The following BNIP5 variants were observed in gnomAD, a reference collection of about 807,000 sequenced individuals.
The protein encoded by BNIP5 is BCL2 interacting protein 5.
Under a neutral mutation model 67.3 loss-of-function variants are expected in BNIP5, and 61 were observed. That is an observed-to-expected ratio of 0.91 (90% confidence interval 0.74 to 1.12). BNIP5 has a LOEUF of 1.12. BNIP5 is among the 50% of genes most tolerant of loss of function. BNIP5 has a pLI of 0.00. For synonymous variants in BNIP5, 317 were observed against 319.0 expected (o/e 0.99, Z 0.07); for missense variants, 826 against 816.3 (o/e 1.01, Z -0.14).
At chr6:36,322,183 C>T (rs1339413157) in intron 9 of BNIP5, 128 bp downstream of exon 9, 7 of 1,211,736 alleles carry the variant, frequency 5.8e-6, no homozygotes, top group South Asian at 1.3e-5. Flanking sequence ...ATCCTAGAGT[C>T]TCCTGGGGTC....
In BNIP5 at chr6:36,324,134, C is replaced by G; in HGVS notation, c.1225G>C (p.Glu409Gln). The G allele has an allele frequency of 6.2e-7, 1 of 1,613,932 alleles. No individual in the cohort carries two copies. The part of the protein sequence containing the change: ...MLQDAEEQQG[E>Q]EQPQVQQEEV... ...ATGGGGAGCGTCTTCCTCACCTCCT[C>G]TCCTTGCTGTTCTTCTGCATCTTGG... The change falls in exon 7 of 12, where the codon GAG (glutamate) becomes CAG (glutamine). Residue 409 changes from glutamate (E) to glutamine (Q), a missense_variant. Transcript: ENST00000437635.
intron 7 of BNIP5, 30 bp from the exon 8 acceptor site, chr6:36,323,563 G>C (rs1214743598): frequency 6.2e-7 from 1 of 1,612,868 alleles, no homozygotes; most frequent in Non-Finnish European, 8.5e-7. Flanking sequence ...AACTGAGTCA[G>C]GGCCCCTGAC....
chr6:36,330,819 A>C, intron 1 of BNIP5, 125 bp from the exon 2 acceptor site: 4 of 1,287,306 alleles, frequency 3.1e-6, no homozygotes, highest in Non-Finnish European at 4.1e-6. Context: ...GCTGGAGTGC[A>C]GTGGCGCTAT....
Position 36,322,383 on chromosome 6 carries a change from A to G in BNIP5, c.1531T>C (p.Ser511Pro). Reference protein sequence around the residue: ...LPAEGEPVVISEAPSQARGHT... With the variant: ...LPAEGEPVVIPEAPSQARGHT... ...CCTCTAGCCTGGGAGGGTGCTTCTGAGATCACAACTGGCTCCCCTTCTGCG... is the reference window on the plus strand; with the variant it reads ...CCTCTAGCCTGGGAGGGTGCTTCTGGGATCACAACTGGCTCCCCTTCTGCG... The change falls in exon 9 of 12, where the codon TCA becomes CCA. Residue 511 changes from serine to proline, a missense_variant. Coordinates refer to ENST00000437635, the MANE Select transcript of BNIP5 (RefSeq NM_001010903.5). The G allele has an allele frequency of 6.2e-7, 1 of 1,614,100 alleles. No homozygotes were observed. The highest frequency in any genetic ancestry group is 2.2e-5 in the East Asian group (1 of 44,884).
Position 36,324,132 on chromosome 6 carries a change from C to T in BNIP5, c.1227G>A (p.Glu409=). The T allele has an allele frequency of 6.2e-7, 1 of 1,613,758 alleles. No homozygotes were observed. Among genetic ancestry groups the T allele is most frequent in the South Asian group, 1.1e-5 (1 of 91,066 alleles). Residue 409 remains glutamate, a synonymous_variant, in exon 7 of 12, where the codon GAG becomes GAA. Transcript: ENST00000437635. ...ACATGGGGAGCGTCTTCCTCACCTC[C>T]TCTCCTTGCTGTTCTTCTGCATCTT... ...MLQDAEEQQG[E]EQPQVQQEEV...
intron 11 of BNIP5, 137 bp downstream of exon 11, chr6:36,319,219 T>C (rs1304043647): frequency 2.2e-6 from 2 of 920,656 alleles, no homozygotes; most frequent in Non-Finnish European, 3.3e-6. Flanking sequence ...AGTGAGGAGG[T>C]GACATTTGAG....
rs780492613 is a variant in BNIP5, at chr6:36,326,608, GC to G, written c.937del (p.Ala313LeufsTer109). On this transcript the variant is annotated frameshift_variant, in exon 5 of 12. Transcript: ENST00000437635. LOFTEE classifies it high-confidence loss of function. ...GGCCTCTGGACTGGAAACATCTGCA[GC>G]CCCCCTCTTGGCCTCCTCGGAGCCG... The part of the protein sequence containing the change: ...KHGSEEAKRG[A>X]ADVSSPEAWP... 8.1e-6 allele frequency: 13 copies of G among 1,614,248 alleles called. No individual in the cohort carries two copies. Among genetic ancestry groups the G allele is most frequent in the Non-Finnish European group, 1.0e-5 (12 of 1,180,046 alleles).
intron 8 of BNIP5, 78 bp downstream of exon 8, chr6:36,323,215 G>GT (rs1771674260): frequency 6.3e-7 from 1 of 1,588,650 alleles, no homozygotes; most frequent in Non-Finnish European, 8.6e-7. Flanking sequence ...ATGCCAGCCT[G>GT]TCAACGACAG....
intron 8 of BNIP5, 105 bp from the exon 9 acceptor site, chr6:36,322,547 C>A: frequency 7.7e-7 from 1 of 1,290,562 alleles, no homozygotes; most frequent in Non-Finnish European, 1.1e-6. Context: ...GGTTTCCAGG[C>A]TCCTCGGTGA....
chr6:36,325,504 C>A, intron 5 of BNIP5, 90 bp from the exon 6 acceptor site: 8 of 1,469,072 alleles, frequency 5.4e-6, no homozygotes, highest in Non-Finnish European at 6.4e-6. Flanking sequence ...AAGTGGGCTC[C>A]GTGGCTGGAT....
intron 1 of BNIP5, 138 bp from the exon 2 acceptor site, chr6:36,330,832 C>T (rs1460559580): frequency 8.9e-7 from 1 of 1,123,928 alleles, no homozygotes; most frequent in South Asian, 1.7e-5. Context: ...GGCGCTATCT[C>T]AGCTCACTGC....
intron 11 of BNIP5, among the ~76,000 whole-genome samples, chr6:36,317,750 G>A (rs1429793866): frequency 2.6e-5 from 4 of 152,154 alleles, no homozygotes; most frequent in African/African-American, 9.7e-5. Flanking sequence ...CTTCCACAGA[G>A]CCTCACAGCC....
chr6:36,326,830 C>G lies in BNIP5; in HGVS notation c.793-77G>C, dbSNP rs1413169466. The G allele has an allele frequency of 3.1e-6, 5 of 1,591,886 alleles. No homozygotes were observed. The Admixed American group carries it at 8.6e-5, about 27-fold the overall frequency. ...AAGCTCTCTGGAGGCAAGTGAAGAG[C>G]AGCCAAGCTGCAAGATGGCCCCGAG... is the stretch of plus-strand genomic sequence containing the variant. On this transcript the variant is annotated intron_variant, in intron 4 of 11. Coordinates refer to ENST00000437635, the MANE Select transcript of BNIP5 (RefSeq NM_001010903.5).
At chr6:36,325,255 T>A in intron 6 of BNIP5, 28 bp downstream of exon 6, 9 of 1,612,266 alleles carry the variant, frequency 5.6e-6, no homozygotes, top group Non-Finnish European at 7.6e-6. Flanking sequence ...TTGCAAGGGG[T>A]GTCTGAGAAA....
At position 36,328,665 on chromosome 6, in the gene BNIP5, A is replaced by G. The variant is rs780827902; in HGVS notation, c.660T>C (p.Thr220=). 1 of 1,614,112 alleles carries G rather than the reference A, an allele frequency of 6.2e-7. No homozygotes were observed. The highest frequency in any genetic ancestry group is 8.5e-7 in the Non-Finnish European group (1 of 1,179,960). ...CATGGGGAGAAACATCCAAAGCTCC[A>G]GTACCATCCACTTTGATGAGGAAGG... is the stretch of plus-strand genomic sequence containing the variant. ...HQSFLIKVDG[T]GALDVSPHAT... Residue 220 remains threonine, a synonymous_variant, in exon 3 of 12, where the codon ACT becomes ACC. Coordinates refer to ENST00000437635, the MANE Select transcript of BNIP5 (RefSeq NM_001010903.5).
intron 7 of BNIP5, 67 bp from the exon 8 acceptor site, chr6:36,323,600 G>A (rs1771686893): frequency 6.3e-7 from 1 of 1,584,524 alleles, no homozygotes; most frequent in African/African-American, 1.4e-5. Flanking sequence ...GTGAGGTGGG[G>A]AAAGAGAGCC....
In BNIP5 at chr6:36,330,491, T is replaced by C. The variant is rs762145133; in HGVS notation, c.200A>G (p.Glu67Gly). The change falls in exon 2 of 12, where the codon GAG (glutamate) becomes GGG (glycine). Residue 67 changes from glutamate to glycine, a missense_variant. Physicochemically the swap from Glu to Gly is moderately conservative, Grantham distance 98. Transcript: ENST00000437635. Reference sequence around the variant, plus strand: ...GGCTGCAGCGGTGGTGCAGTGAGCCTCTGCAGATGGAGCTGGGCTGTCTGA... The same window carrying C: ...GGCTGCAGCGGTGGTGCAGTGAGCCCCTGCAGATGGAGCTGGGCTGTCTGA... ...RHSDSPAPSAEAHCTTAAAPT... is the reference protein window; with the variant it reads ...RHSDSPAPSAGAHCTTAAAPT... 4 of 1,614,120 alleles carry C rather than the reference T, an allele frequency of 2.5e-6. No individual in the cohort carries two copies. In the Admixed American group the frequency reaches 5.0e-5, roughly 20 times the overall value.
intron 1 of BNIP5, among the ~76,000 whole-genome samples, chr6:36,335,669 G>A (rs1003485781): frequency 2.6e-5 from 4 of 152,164 alleles, no homozygotes; most frequent in African/African-American, 7.2e-5. Flanking sequence ...GCCACACGGC[G>A]TCCAGAGAGC....
At chr6:36,332,606 A>G (rs1470198491) in intron 1 of BNIP5, among the ~76,000 whole-genome samples, 1 of 152,194 alleles carries the variant, frequency 6.6e-6, no homozygotes, top group African/African-American at 2.4e-5. Context: ...TGTGTAGTTA[A>G]CATGAAATCA....
Sources: gnomAD v4.1 joint callset for allele counts (sites outside exome capture counted in the v4.1 genomes callset) on GRCh38, gnomAD v4.1.1 for gene constraint, MANE v1.5 for transcripts, NCBI Gene and HGNC (gene_info 2026-07-23, HGNC 2026-07-21) for gene names.